The following PKHD1L1 variants were observed in gnomAD, a reference collection of about 807,000 sequenced individuals.
The protein encoded by PKHD1L1 is PKHD1 like 1.
Under a neutral mutation model 462.9 loss-of-function variants are expected in PKHD1L1, and 434 were observed. That is an observed-to-expected ratio of 0.94 (90% CI 0.87 to 1.02). The LOEUF is 1.02. Ranked by LOEUF, PKHD1L1 falls within the 50% of genes least tolerant of loss-of-function variation. The pLI, the probability that PKHD1L1 is intolerant of heterozygous loss-of-function variation, is 0.00. For synonymous variants in PKHD1L1, 1,781 were observed against 1,750.0 expected (o/e 1.02, Z -0.44); for missense variants, 5,202 against 5,096.1 (o/e 1.02, Z -0.63).
chr8:109,496,621 G>A (rs1460086875), intron 63 of PKHD1L1, among the ~76,000 whole-genome samples: 1 of 152,234 alleles, frequency 6.6e-6, no homozygotes, highest in African/African-American at 2.4e-5. Flanking sequence ...AACCAGGCGA[G>A]GTGGGGCATG....
intron 1 of PKHD1L1, 91 bp from the exon 2 acceptor site, chr8:109,364,456 C>A: frequency 1.2e-6 from 1 of 861,880 alleles, no homozygotes; most frequent in Non-Finnish European, 1.8e-6. Context: ...TAATGTTTTC[C>A]TTGCAACCTT....
chr8:109,399,826 C>A (rs756395939), intron 12 of PKHD1L1, among the ~76,000 whole-genome samples: 1 of 152,034 alleles, frequency 6.6e-6, no homozygotes, highest in African/African-American at 2.4e-5. Flanking sequence ...AGCACCCATG[C>A]AAATATTATT....
At chr8:109,428,646 G>A (rs777062749) in intron 25 of PKHD1L1, among the ~76,000 whole-genome samples, 11 of 152,084 alleles carry the variant, frequency 7.2e-5, no homozygotes, top group Non-Finnish European at 1.5e-4. Context: ...TGTCTCTGCT[G>A]GTGTCTGTGC....
At chr8:109,474,397 C>T (rs1817875481) in intron 50 of PKHD1L1, among the ~76,000 whole-genome samples, 2 of 152,118 alleles carry the variant, frequency 1.3e-5, no homozygotes, top group South Asian at 2.1e-4. Context: ...AGCTATCAGG[C>T]ATTCTCTTGT....
rs1440333585 is a variant in PKHD1L1, at chr8:109,381,488, T to A, written c.282T>A (p.His94Gln). Reference sequence around the variant, plus strand: ...GTGATGTAGAAAAAGATGCAAGTCATTCAACTCAAATTACATGCTATACTA... The same window carrying A: ...GTGATGTAGAAAAAGATGCAAGTCAATCAACTCAAATTACATGCTATACTA... ...ITCDVEKDASHSTQITCYTRA... is the reference protein window; with the variant it reads ...ITCDVEKDASQSTQITCYTRA... Residue 94 changes from histidine to glutamine, a missense_variant, in exon 3 of 78, where the codon CAT becomes CAA. Physicochemically the swap from His to Gln is conservative, Grantham distance 24. Transcript: ENST00000378402. The A allele has an allele frequency of 1.3e-6, 2 of 1,580,662 alleles. No homozygotes were observed. The highest frequency in any genetic ancestry group is 4.5e-5 in the East Asian group (2 of 44,030).
In PKHD1L1 at chr8:109,443,903, G is replaced by A; in HGVS notation, c.4791+1G>A. The A allele has an allele frequency of 6.3e-6, 10 of 1,595,356 alleles. No homozygotes were observed. The highest frequency in any genetic ancestry group is 8.6e-6 in the Non-Finnish European group (10 of 1,164,712). ...TAGTAATCTCCCATGGGCTAATAAG[G>A]TAAGAATATAAATACCTCCTTTGTA... On this transcript the variant is annotated splice_donor_variant, in intron 37 of 77. Transcript: ENST00000378402. LOFTEE classifies it high-confidence loss of function.
chr8:109,520,135 G>A (rs72669113), intron 73 of PKHD1L1, among the ~76,000 whole-genome samples: 1,542 of 152,194 alleles, frequency 0.01, 18 homozygotes, highest in Non-Finnish European at 0.015. Context: ...TTAGAAGAGC[G>A]TAGGAAGCCT....
intron 49 of PKHD1L1, among the ~76,000 whole-genome samples, chr8:109,465,645 A>G (rs1817399267): frequency 6.6e-6 from 1 of 152,212 alleles, no homozygotes; most frequent in African/African-American, 2.4e-5. Flanking sequence ...GTCATGCTCC[A>G]GAAACATATA....
intron 76 of PKHD1L1, among the ~76,000 whole-genome samples, chr8:109,524,827 C>T (rs72669118): frequency 0.02 from 1,980 of 100,210 alleles, 27 homozygotes; most frequent in Middle Eastern, 0.071. Context: ...CTTCCTTCCT[C>T]CCTCCCTCCT....
chr8:109,369,096 A>G (rs1811367267), intron 2 of PKHD1L1, among the ~76,000 whole-genome samples: 2 of 151,828 alleles, frequency 1.3e-5, no homozygotes, highest in Admixed American at 1.3e-4. Flanking sequence ...CTCCTGCCTC[A>G]GCCTCCCAAG....
chr8:109,415,802 T>C (rs1038758831), intron 21 of PKHD1L1, among the ~76,000 whole-genome samples: 13 of 149,734 alleles, frequency 8.7e-5, no homozygotes, highest in African/African-American at 3.2e-4. Flanking sequence ...GAGCCAAGAT[T>C]GTGACACTGC....
At chr8:109,456,412 A>G (rs753641405) in intron 46 of PKHD1L1, 21 bp downstream of exon 46, 1 of 1,576,058 alleles carries the variant, frequency 6.3e-7, no homozygotes, top group South Asian at 1.2e-5. Flanking sequence ...TTCTGGGCTT[A>G]ATGATGTGTA....
intron 71 of PKHD1L1, 94 bp downstream of exon 71, chr8:109,511,028 G>A: frequency 7.2e-7 from 1 of 1,387,964 alleles, no homozygotes; most frequent in Non-Finnish European, 9.8e-7. Flanking sequence ...TTCTAACATT[G>A]TCAGCCTTAC....
intron 3 of PKHD1L1, among the ~76,000 whole-genome samples, chr8:109,381,752 C>T (rs1049691796): frequency 6.6e-6 from 1 of 151,878 alleles, no homozygotes. Context: ...AGAGCTATTA[C>T]CTTATTGTTG....
At chr8:109,433,078 T>C (rs772080866) in intron 27 of PKHD1L1, 28 bp from the exon 28 acceptor site, 40 of 1,452,794 alleles carry the variant, frequency 2.8e-5, no homozygotes, top group Non-Finnish European at 3.7e-5. Context: ...CTAACTTTAA[T>C]ATTGTTATTT....
intron 71 of PKHD1L1, among the ~76,000 whole-genome samples, chr8:109,511,278 C>T (rs188276566): frequency 8.6e-5 from 13 of 152,028 alleles, no homozygotes; most frequent in Middle Eastern, 3.4e-3. Flanking sequence ...TGTGCCATGC[C>T]GGTGCGCTGC....
chr8:109,512,492 G>A (rs1271067718), intron 71 of PKHD1L1, among the ~76,000 whole-genome samples: 3 of 152,162 alleles, frequency 2.0e-5, no homozygotes, highest in Non-Finnish European at 4.4e-5. Context: ...GTTTGCCAAA[G>A]ATCAGATAGT....
intron 1 of PKHD1L1, among the ~76,000 whole-genome samples, chr8:109,363,098 T>A (rs1811060083): frequency 6.6e-6 from 1 of 152,010 alleles, no homozygotes; most frequent in African/African-American, 2.4e-5. Context: ...GTGGCAGGTG[T>A]CAGTCATTTC....
intron 48 of PKHD1L1, among the ~76,000 whole-genome samples, chr8:109,463,281 A>C (rs1419972150): frequency 3.3e-5 from 5 of 152,162 alleles, no homozygotes; most frequent in Non-Finnish European, 7.4e-5. Flanking sequence ...AGCAGAAGGA[A>C]GGAAGGGAGG....
Sources: allele counts gnomAD v4.1 joint callset (sites outside exome capture counted in the v4.1 genomes callset), GRCh38; gene constraint gnomAD v4.1.1; transcripts MANE v1.5; gene names NCBI Gene and HGNC (gene_info 2026-07-23, HGNC 2026-07-21).